PXDN: variants seen among roughly 807,000 people sequenced by gnomAD.
PXDN encodes peroxidasin.
Under a neutral mutation model 140.3 loss-of-function variants are expected in PXDN, and 77 were observed. The ratio of observed to expected loss-of-function variants is 0.55; its 90% confidence interval spans 0.46 to 0.66. The LOEUF (loss-of-function observed/expected upper bound fraction) is 0.66. Ranked by LOEUF, PXDN falls within the 30% of genes least tolerant of loss-of-function variation. The pLI is 0.00. For synonymous variants in PXDN, 911 were observed against 857.4 expected, an observed-to-expected ratio of 1.06 and a Z score of -1.09; for missense variants, 1,838 against 2,039.5, an observed-to-expected ratio of 0.90 and a Z score of 1.90.
intron 1 of PXDN, among the ~76,000 whole-genome samples, chr2:1,713,698 CTGCAGTGCCT>C (rs1684834132): frequency 6.6e-6 from 1 of 152,222 alleles, no homozygotes; most frequent in Non-Finnish European, 1.5e-5. Context: ...CTTGCAGCCA[CTGCAGTGCCT>C]CCGGAGCATG....
intron 5 of PXDN, 148 bp from the exon 6 acceptor site, chr2:1,683,875 A>C (rs958596942): frequency 6.5e-6 from 6 of 920,672 alleles, no homozygotes; most frequent in Non-Finnish European, 9.8e-6. Flanking sequence ...AAAACAAAAG[A>C]AATGGTTTTT....
chr2:1,670,908 T>C (rs1406173794), intron 9 of PXDN, among the ~76,000 whole-genome samples: 2 of 152,166 alleles, frequency 1.3e-5, no homozygotes, highest in Non-Finnish European at 2.9e-5. Flanking sequence ...ATTTAAGTGT[T>C]GTTCACCAAA....
chr2:1,707,895 C>A (rs531377069), intron 1 of PXDN, among the ~76,000 whole-genome samples: 1 of 151,956 alleles, frequency 6.6e-6, no homozygotes, highest in Non-Finnish European at 1.5e-5. Flanking sequence ...ACCACACTTA[C>A]GTCAGCACCC....
intron 1 of PXDN, among the ~76,000 whole-genome samples, chr2:1,728,522 C>A (rs181524939): frequency 7.9e-4 from 121 of 152,368 alleles, no homozygotes; most frequent in African/African-American, 2.8e-3. Context: ...ATACCCAGGT[C>A]CACAGCTGAG....
chr2:1,661,767 T>C (rs1683309798), intron 13 of PXDN, among the ~76,000 whole-genome samples: 1 of 152,264 alleles, frequency 6.6e-6, no homozygotes, highest in African/African-American at 2.4e-5. Context: ...GGTTTTTCTT[T>C]GCTTTTGTTA....
At chr2:1,739,341 G>T (rs185885215) in intron 1 of PXDN, among the ~76,000 whole-genome samples, 1 of 152,126 alleles carries the variant, frequency 6.6e-6, no homozygotes, top group Admixed American at 6.5e-5. Flanking sequence ...CCACGCTGGG[G>T]AGAAAACGAT....
chr2:1,711,040 T>C (rs867524939), intron 1 of PXDN, among the ~76,000 whole-genome samples: 145 of 6,404 alleles, frequency 0.023, no homozygotes, highest in Middle Eastern at 0.12. Context: ...TCCACCAGCA[T>C]CCACTCTACC....
chr2:1,675,214 G>T (rs1683671673), intron 8 of PXDN, among the ~76,000 whole-genome samples: 2 of 152,162 alleles, frequency 1.3e-5, no homozygotes, highest in African/African-American at 4.8e-5. Context: ...TGGCCTGCAG[G>T]TGACTCTGGA....
chr2:1,720,645 C>CTCTTTCTCTCTCTCTGCATG (rs1182717851), intron 1 of PXDN, among the ~76,000 whole-genome samples: 5,621 of 151,096 alleles, frequency 0.037, 382 homozygotes, highest in African/African-American at 0.13. Context: ...CTCTCTGCAT[C>CTCTTTCTCTCTCTCTGCATG]TCTTTCTCTC....
At chr2:1,675,044 A>G (rs1011025160) in intron 8 of PXDN, among the ~76,000 whole-genome samples, 1 of 138,638 alleles carries the variant, frequency 7.2e-6, no homozygotes, top group Admixed American at 7.8e-5. Flanking sequence ...AATCTTCCTC[A>G]TGCTCTCCTC....
intron 1 of PXDN, among the ~76,000 whole-genome samples, chr2:1,701,967 G>A (rs964029726): frequency 6.6e-6 from 1 of 152,196 alleles, no homozygotes; most frequent in African/African-American, 2.4e-5. Flanking sequence ...CCAGCCTCCA[G>A]AGCTGCAGGG....
chr2:1,733,851 T>C (rs1685370808), intron 1 of PXDN, among the ~76,000 whole-genome samples: 2 of 151,374 alleles, frequency 1.3e-5, no homozygotes, highest in East Asian at 2.0e-4. Flanking sequence ...GAAAGCACTG[T>C]TTAAACATCC....
In PXDN at chr2:1,643,516, C is replaced by A; in HGVS notation, c.3804G>T (p.Thr1268=). 7 of 1,613,944 alleles carry A rather than the reference C, an allele frequency of 4.3e-6. No homozygotes were observed. Among genetic ancestry groups the A allele is most frequent in the Non-Finnish European group, 5.1e-6 (6 of 1,179,898 alleles). ...TGTCGCATAGGATCCTGGCCAGCGA[C>A]GTCTGCTTGATCTGAGTCAGCTGGG... ...SPAQLTQIKQ[T]SLARILCDNA... The change falls in exon 19 of 23, where the codon ACG becomes ACT. Residue 1268 remains threonine (T), a synonymous_variant. Transcript: ENST00000252804.
chr2:1,712,681 C>T (rs1434917421), intron 1 of PXDN, among the ~76,000 whole-genome samples: 1 of 152,176 alleles, frequency 6.6e-6, no homozygotes, highest in South Asian at 2.1e-4. Context: ...AAAATGAAAA[C>T]GGTCGGATGA....
intron 6 of PXDN, among the ~76,000 whole-genome samples, chr2:1,681,402 C>A (rs2125442289): frequency 6.6e-6 from 1 of 152,192 alleles, no homozygotes; most frequent in African/African-American, 2.4e-5. Context: ...AACAAGGACC[C>A]CATCTTTCGC....
Position 1,659,569 on chromosome 2 carries a change from T to C in PXDN, c.1837+1312A>G, listed in dbSNP as rs955826626. Among the ~76,000 whole-genome samples the C allele has an allele frequency of 6.6e-5, 10 of 152,332 alleles. No homozygotes were observed. In the South Asian group the frequency reaches 8.3e-4, roughly 13 times the overall value. On this transcript the variant is annotated intron_variant, in intron 14 of 22. Coordinates refer to ENST00000252804, the MANE Select transcript of PXDN (RefSeq NM_012293.3). ...AGGAATCCAACCATAATATTAATGA[T>C]GGTATTTTTGGGGGATGGAATTACG... is the stretch of plus-strand genomic sequence containing the variant.
chr2:1,701,281 C>G (rs1010076136), intron 1 of PXDN, among the ~76,000 whole-genome samples: 45 of 152,210 alleles, frequency 3.0e-4, no homozygotes, highest in African/African-American at 1.1e-3. Context: ...TGAGTACATC[C>G]ATGCACTTGG....
Position 1,638,712 on chromosome 2 carries a change from G to T in PXDN, c.4206+134C>A, listed in dbSNP as rs74971871. On this transcript the variant is annotated intron_variant, in intron 21 of 22. Coordinates refer to ENST00000252804, the MANE Select transcript of PXDN (RefSeq NM_012293.3). ...AGCGTGCAGAAATGACACCCCCAAG[G>T]CTCCAGGGTCTGGGTCCTGTGTGGG... The T allele has an allele frequency of 0.022, 29,756 of 1,375,966 alleles. 414 individuals carry two copies. The highest frequency in any genetic ancestry group is 0.025 in the South Asian group (1,968 of 78,390). The allele number at this position is 1,375,966 out of a possible 1,614,324, so 85.2% of individuals were successfully genotyped here.
At chr2:1,634,454 C>T (rs898415499) in intron 22 of PXDN, 131 bp from the exon 23 acceptor site, 32 of 1,199,144 alleles carry the variant, frequency 2.7e-5, no homozygotes, top group African/African-American at 1.9e-4. Flanking sequence ...CTGCCTTGCC[C>T]GCTGTACTTG....
Sources: gnomAD v4.1 joint callset for allele counts (sites outside exome capture counted in the v4.1 genomes callset) on GRCh38, gnomAD v4.1.1 for gene constraint, MANE v1.5 for transcripts, NCBI Gene and HGNC (gene_info 2026-07-23, HGNC 2026-07-21) for gene names.